Variants in PTPRD observed in about 807,000 individuals in gnomAD.
The protein encoded by PTPRD is receptor-type tyrosine-protein phosphatase delta.
A neutral mutation model predicts 214.5 loss-of-function variants in PTPRD; 34 were observed. That is an observed-to-expected ratio of 0.16 (90% confidence interval 0.12 to 0.21). The LOEUF is 0.21. Ranked by LOEUF, PTPRD falls within the 10% of genes least tolerant of loss-of-function variation. The pLI is 1.00. For missense variants in PTPRD, 2,545 were observed against 2,398.7 expected (o/e 1.06, Z -1.27); for synonymous variants, 1,128 against 845.7 (o/e 1.33, Z -5.79).
At chr9:10,606,323 C>G (rs1221434417) in intron 2 of PTPRD, among the ~76,000 whole-genome samples, 1 of 151,796 alleles carries the variant, frequency 6.6e-6, no homozygotes, top group Non-Finnish European at 1.5e-5. Context: ...GTCACTCCTT[C>G]TACCATTCTC....
chr9:9,412,355 T>C (rs1467739530), intron 8 of PTPRD, among the ~76,000 whole-genome samples: 2 of 152,146 alleles, frequency 1.3e-5, no homozygotes, highest in Non-Finnish European at 2.9e-5. Context: ...GTTGCCTAAT[T>C]TTCTATGTAT....
At chr9:9,793,372 A>T (rs139996726) in intron 5 of PTPRD, among the ~76,000 whole-genome samples, 197 of 152,226 alleles carry the variant, frequency 1.3e-3, no homozygotes, top group African/African-American at 4.3e-3. Context: ...AACAAAAGTA[A>T]AACTCCTACT....
chr9:8,636,841 G>A lies in PTPRD; in HGVS notation c.68C>T (p.Pro23Leu), dbSNP rs1483760786. The A allele has an allele frequency of 1.1e-5, 17 of 1,611,850 alleles. No homozygotes were observed. Among genetic ancestry groups the A allele is most frequent in the Non-Finnish European group, 1.4e-5 (16 of 1,178,482 alleles). The change falls in exon 13 of 46, where the codon CCT becomes CTT. Residue 23 changes from proline (P) to leucine (L), a missense_variant. Transcript: ENST00000381196. ...TFFLRTDAET[P>L]PRFTRTPVDQ... ...AACGGGTGTTCGTGTAAACCTTGGA[G>A]GTGCTGAAATAAAAAATAAACATCA...
intron 3 of PTPRD, among the ~76,000 whole-genome samples, chr9:10,053,885 A>C (rs1295301714): frequency 6.6e-6 from 1 of 151,940 alleles, no homozygotes; most frequent in Non-Finnish European, 1.5e-5. Flanking sequence ...CATCCTACTG[A>C]GTAGCGGGGA....
At chr9:9,911,070 T>G (rs899141839) in intron 5 of PTPRD, among the ~76,000 whole-genome samples, 1 of 152,072 alleles carries the variant, frequency 6.6e-6, no homozygotes, top group Non-Finnish European at 1.5e-5. Context: ...TCCAGTCTGC[T>G]TGGCTTGTAA....
chr9:8,547,618 G>C (rs2080610577), intron 14 of PTPRD, among the ~76,000 whole-genome samples: 1 of 148,610 alleles, frequency 6.7e-6, no homozygotes, highest in Non-Finnish European at 1.5e-5. Context: ...ACTCCAGCCT[G>C]CGTGATGAGG....
intron 5 of PTPRD, among the ~76,000 whole-genome samples, chr9:9,774,611 A>G (rs555172050): frequency 2.6e-5 from 4 of 152,198 alleles, no homozygotes; most frequent in South Asian, 2.1e-4. Flanking sequence ...CATTCTTTCT[A>G]TATATGAGCT....
chr9:10,412,385 A>G (rs1391917973), intron 2 of PTPRD, among the ~76,000 whole-genome samples: 1 of 151,730 alleles, frequency 6.6e-6, no homozygotes, highest in Admixed American at 6.6e-5. Flanking sequence ...TTCCCTGAAC[A>G]GACCAATAAT....
chr9:8,703,038 A>G (rs940484698), intron 12 of PTPRD, among the ~76,000 whole-genome samples: 5 of 152,232 alleles, frequency 3.3e-5, no homozygotes, highest in African/African-American at 1.2e-4. Flanking sequence ...CCAATTACAT[A>G]AAGAATTTTA....
intron 7 of PTPRD, among the ~76,000 whole-genome samples, chr9:9,651,836 T>TG (rs2096364570): frequency 1.5e-5 from 2 of 131,064 alleles, no homozygotes; most frequent in Admixed American, 7.5e-5. Flanking sequence ...GTTTTTTTTT[T>TG]TTTTTTTTTT....
At chr9:9,968,458 A>T (rs117386602) in intron 4 of PTPRD, among the ~76,000 whole-genome samples, 1 of 152,256 alleles carries the variant, frequency 6.6e-6, no homozygotes, top group Non-Finnish European at 1.5e-5. Context: ...ATATCTAATT[A>T]TAACCATTCA....
At chr9:10,416,276 T>G (rs1470703941) in intron 2 of PTPRD, among the ~76,000 whole-genome samples, 1 of 151,860 alleles carries the variant, frequency 6.6e-6, no homozygotes, top group Non-Finnish European at 1.5e-5. Flanking sequence ...GAGAATTGCT[T>G]GAACCTGGGA....
At position 10,537,897 on chromosome 9, in the gene PTPRD, G is replaced by A. The variant is rs139041234; in HGVS notation, c.-600+74501C>T. Among the ~76,000 whole-genome samples, 1,004 of 152,198 alleles carry A rather than the reference G, an allele frequency of 6.6e-3. 9 individuals are homozygous for A. Among genetic ancestry groups the A allele is most frequent in the Middle Eastern group, 0.048 (14 of 294 alleles). ...ATAGTGTAACCAGGAAGCATGTTAAGAATGCAGATTCTCAGGCCCCAACCC... is the reference window on the plus strand; with the variant it reads ...ATAGTGTAACCAGGAAGCATGTTAAAAATGCAGATTCTCAGGCCCCAACCC... On this transcript the variant is annotated intron_variant, in intron 2 of 45. Coordinates refer to ENST00000381196, the MANE Select transcript of PTPRD (RefSeq NM_002839.4).
At chr9:8,694,397 A>T (rs935815379) in intron 12 of PTPRD, among the ~76,000 whole-genome samples, 15 of 152,326 alleles carry the variant, frequency 9.8e-5, no homozygotes, top group Non-Finnish European at 2.9e-5. Context: ...GATAACATTC[A>T]TACAAACAAC....
At chr9:10,247,451 C>A (rs1309147997) in intron 3 of PTPRD, among the ~76,000 whole-genome samples, 1 of 152,106 alleles carries the variant, frequency 6.6e-6, no homozygotes, top group Non-Finnish European at 1.5e-5. Flanking sequence ...TATACAGTAA[C>A]TTTTAAACAT....
chr9:8,774,723 G>A (rs2095398417), intron 11 of PTPRD, among the ~76,000 whole-genome samples: 1 of 151,644 alleles, frequency 6.6e-6, no homozygotes, highest in South Asian at 2.1e-4. Context: ...TAGTAGAGAC[G>A]GGGTTTCTCC....
chr9:10,310,527 T>C (rs2096240819), intron 3 of PTPRD, among the ~76,000 whole-genome samples: 1 of 151,998 alleles, frequency 6.6e-6, no homozygotes, highest in Non-Finnish European at 1.5e-5. Context: ...AGGAATGTAA[T>C]GTTTCTGTGA....
chr9:10,278,837 C>G (rs140197959), intron 3 of PTPRD, among the ~76,000 whole-genome samples: 60 of 151,922 alleles, frequency 3.9e-4, no homozygotes, highest in Non-Finnish European at 6.8e-4. Context: ...TGCAGTAGCG[C>G]GATCTCGGCT....
At chr9:10,018,799 T>G (rs989259936) in intron 4 of PTPRD, among the ~76,000 whole-genome samples, 1 of 151,964 alleles carries the variant, frequency 6.6e-6, no homozygotes, top group Non-Finnish European at 1.5e-5. Context: ...TCCGCCCGCC[T>G]CGGCCTCCCA....
Sources: allele counts gnomAD v4.1 joint callset (sites outside exome capture counted in the v4.1 genomes callset), GRCh38; gene constraint gnomAD v4.1.1; transcripts MANE v1.5; gene names NCBI Gene and HGNC (gene_info 2026-07-23, HGNC 2026-07-21).